CLNK: variants seen among roughly 807,000 people sequenced by gnomAD.
CLNK encodes the protein cytokine dependent hematopoietic cell linker.
A neutral mutation model predicts 68.6 loss-of-function variants in CLNK; 74 were observed. That is an observed-to-expected ratio of 1.08 (90% CI 0.89 to 1.31). The LOEUF is 1.31. Among genes scored for constraint, CLNK ranks in the 50% most tolerant of loss-of-function variants. The pLI is 0.00. For synonymous variants in CLNK, 198 were observed against 172.2 expected (o/e 1.15, Z -1.17); for missense variants, 553 against 515.3 (o/e 1.07, Z -0.71).
intron 14 of CLNK, among the ~76,000 whole-genome samples, chr4:10,521,822 T>C (rs1338870374): frequency 6.6e-6 from 1 of 152,042 alleles, no homozygotes; most frequent in Non-Finnish European, 1.5e-5. Context: ...TGGGAAAAAA[T>C]AGGGAATAGC....
intron 2 of CLNK, among the ~76,000 whole-genome samples, chr4:10,599,712 C>G (rs1560235679): frequency 6.6e-6 from 1 of 152,166 alleles, no homozygotes; most frequent in Non-Finnish European, 1.5e-5. Context: ...CACCCCTCCC[C>G]CTCTATCATT....
chr4:10,577,162 G>A (rs1351936309), intron 4 of CLNK, among the ~76,000 whole-genome samples: 1 of 152,178 alleles, frequency 6.6e-6, no homozygotes. Context: ...TCAGTTAGCA[G>A]GTTGCTTAGA....
intron 7 of CLNK, among the ~76,000 whole-genome samples, chr4:10,564,082 A>G (rs903491345): frequency 6.7e-6 from 1 of 149,480 alleles, no homozygotes; most frequent in African/African-American, 2.5e-5. Flanking sequence ...CATTTAGGGC[A>G]TTTGCATTTA....
At chr4:10,540,747 C>T in intron 10 of CLNK, 143 bp from the exon 11 acceptor site, 2 of 624,954 alleles carry the variant, frequency 3.2e-6, no homozygotes, top group Non-Finnish European at 5.7e-6. Context: ...GCGGAGCAGA[C>T]CGATCTGGTC....
chr4:10,508,619 G>A (rs538926780), intron 16 of CLNK, among the ~76,000 whole-genome samples: 3 of 152,296 alleles, frequency 2.0e-5, no homozygotes, highest in Non-Finnish European at 2.9e-5. Flanking sequence ...GGCAGTCAGG[G>A]AGATGCATCA....
intron 4 of CLNK, among the ~76,000 whole-genome samples, chr4:10,578,579 CTTTTT>C (rs5856062): frequency 1.6e-4 from 7 of 44,922 alleles, no homozygotes; most frequent in South Asian, 1.2e-3. Context: ...CTTACCTTAT[CTTTTT>C]TTTTTTTTTT....
chr4:10,711,710 G>A, the CLNK span, among the ~76,000 whole-genome samples: 1 of 152,336 alleles, frequency 6.6e-6, no homozygotes, highest in East Asian at 1.9e-4. Flanking sequence ...GAACCTGGGT[G>A]ACTTGACTTT....
intron 2 of CLNK, among the ~76,000 whole-genome samples, chr4:10,621,416 A>G (rs1002694567): frequency 1.3e-5 from 2 of 152,228 alleles, no homozygotes; most frequent in South Asian, 2.1e-4. Context: ...CTATCATTCA[A>G]TCAAAGAAAA....
intron 3 of CLNK, among the ~76,000 whole-genome samples, chr4:10,597,732 G>C (rs536158163): frequency 2.6e-5 from 4 of 152,246 alleles, no homozygotes; most frequent in African/African-American, 7.2e-5. Context: ...GGAGGAGTGG[G>C]TGGAAAGAGG....
At chr4:10,519,655 G>C (rs1488473039) in intron 15 of CLNK, among the ~76,000 whole-genome samples, 2 of 152,186 alleles carry the variant, frequency 1.3e-5, no homozygotes, top group Non-Finnish European at 2.9e-5. Flanking sequence ...TCCAGCCTCA[G>C]GCCCAGATGG....
intron 11 of CLNK, among the ~76,000 whole-genome samples, chr4:10,533,331 GT>G (rs1177908861): frequency 2.0e-5 from 3 of 152,348 alleles, no homozygotes; most frequent in East Asian, 3.9e-4. Flanking sequence ...TGTGGTCAAA[GT>G]TTGGTGAAGA....
chr4:10,575,509 G>A (rs1720528323), intron 4 of CLNK, among the ~76,000 whole-genome samples: 1 of 152,260 alleles, frequency 6.6e-6, no homozygotes, highest in Non-Finnish European at 1.5e-5. Flanking sequence ...CCTGGCACCT[G>A]GTATGGCAGT....
chr4:10,724,500 C>T, the CLNK span, among the ~76,000 whole-genome samples: 2,286 of 116,912 alleles, frequency 0.02, 66 homozygotes, highest in African/African-American at 0.061. Flanking sequence ...TTTTCGTTGC[C>T]TATTATAATG....
chr4:10,599,885 T>A (rs771221762), intron 2 of CLNK, among the ~76,000 whole-genome samples: 12 of 152,344 alleles, frequency 7.9e-5, no homozygotes, highest in Non-Finnish European at 1.6e-4. Context: ...CTAGCTGCTT[T>A]CCTGGCCTCC....
chr4:10,508,122 C>T, intron 16 of CLNK, 86 bp from the exon 17 acceptor site: 3 of 977,148 alleles, frequency 3.1e-6, no homozygotes, highest in Non-Finnish European at 4.7e-6. Context: ...TACTTTTGCT[C>T]CACCAGTGCC....
At chr4:10,562,140 G>A (rs558589451) in intron 7 of CLNK, among the ~76,000 whole-genome samples, 1 of 111,154 alleles carries the variant, frequency 9.0e-6, no homozygotes, top group African/African-American at 3.4e-5. Context: ...TCACTCTGTT[G>A]CCCAGGCTGA....
chr4:10,614,151 A>G (rs983884095), intron 2 of CLNK, among the ~76,000 whole-genome samples: 2 of 152,232 alleles, frequency 1.3e-5, no homozygotes, highest in African/African-American at 2.4e-5. Flanking sequence ...AAATGTAGTG[A>G]TTAAATTCTC....
intron 14 of CLNK, among the ~76,000 whole-genome samples, chr4:10,523,258 G>T (rs1718156512): frequency 6.6e-6 from 1 of 152,192 alleles, no homozygotes; most frequent in African/African-American, 2.4e-5. Flanking sequence ...TTCAGAATGG[G>T]ACTAGAAATG....
chr4:10,551,291 C>T (rs989223428), intron 8 of CLNK, among the ~76,000 whole-genome samples: 1 of 152,152 alleles, frequency 6.6e-6, no homozygotes, highest in Non-Finnish European at 1.5e-5. Context: ...GTTGCCCACG[C>T]TGGAGTGCAG....
Sources: allele counts gnomAD v4.1 joint callset (sites outside exome capture counted in the v4.1 genomes callset), GRCh38; gene constraint gnomAD v4.1.1; transcripts MANE v1.5; gene names NCBI Gene and HGNC (gene_info 2026-07-23, HGNC 2026-07-21).